The following STRBP variants were observed in gnomAD, a reference collection of about 807,000 sequenced individuals.
STRBP encodes spermatid perinuclear RNA binding protein.
Under a neutral mutation model 80.1 loss-of-function variants are expected in STRBP, and 13 were observed. The observed-to-expected ratio is 0.16, with a 90% CI of 0.11 to 0.26. The LOEUF (loss-of-function observed/expected upper bound fraction) is 0.26. STRBP is among the 10% of genes least tolerant of loss of function. The pLI is 1.00. For missense variants in STRBP, 485 were observed against 815.2 expected (o/e 0.59, Z 4.93); for synonymous variants, 284 against 291.2 (o/e 0.98, Z 0.25).
At chr9:123,196,756 T>C (rs991182847) in intron 2 of STRBP, among the ~76,000 whole-genome samples, 12 of 152,160 alleles carry the variant, frequency 7.9e-5, no homozygotes, top group Admixed American at 1.3e-4. Flanking sequence ...CAAAGATATA[T>C]AGAAAAGGAA....
chr9:123,168,001 C>T (rs116374299), intron 6 of STRBP, among the ~76,000 whole-genome samples: 406 of 150,276 alleles, frequency 2.7e-3, no homozygotes, highest in African/African-American at 8.9e-3. Flanking sequence ...TCCCTTAATA[C>T]TTTCAAAAAA....
At chr9:123,133,840 C>A (rs2036245504) in intron 16 of STRBP, among the ~76,000 whole-genome samples, 1 of 152,068 alleles carries the variant, frequency 6.6e-6, no homozygotes, top group South Asian at 2.1e-4. Context: ...CCGCACCTGG[C>A]CCCATTATTA....
At chr9:123,234,157 C>T (rs2040479522) in intron 2 of STRBP, among the ~76,000 whole-genome samples, 2 of 145,052 alleles carry the variant, frequency 1.4e-5, no homozygotes, top group Middle Eastern at 3.3e-3. Flanking sequence ...GCAGAGATCA[C>T]ACCACTGCAC....
At position 123,132,978 on chromosome 9, in the gene STRBP, TAAC is replaced by T. The variant is rs1588456623; in HGVS notation, c.1774-13_1774-11del. 1 of 1,609,712 alleles carries T rather than the reference TAAC, an allele frequency of 6.2e-7. No homozygotes were observed. Among genetic ancestry groups the T allele is most frequent in the Middle Eastern group, 1.7e-4 (1 of 6,030 alleles). ...TCACAACGCCCTTTGCCTGTTAAAA[TAAC>T]ACATTTTCATTACTGAAAGAAATAA... On this transcript the variant is annotated splice_polypyrimidine_tract_variant and intron_variant, in intron 16 of 18. Coordinates refer to ENST00000348403, the MANE Select transcript of STRBP (RefSeq NM_018387.5).
At chr9:123,183,865 T>C (rs908454844) in intron 3 of STRBP, among the ~76,000 whole-genome samples, 5 of 152,238 alleles carry the variant, frequency 3.3e-5, no homozygotes, top group African/African-American at 1.2e-4. Context: ...ATGCCAGTTT[T>C]ATTAGAAAAT....
Position 123,124,381 on chromosome 9 carries a change from G to A in STRBP, c.*1216C>T. 1 of 985,420 alleles carries A rather than the reference G, an allele frequency of 1.0e-6. No individual in the cohort carries two copies. Among genetic ancestry groups the A allele is most frequent in the Non-Finnish European group, 1.2e-6 (1 of 829,942 alleles). The allele number at this position is 985,420 out of a possible 1,614,324, so 61.0% of individuals were successfully genotyped here. A position where few individuals can be genotyped will look rare whatever the true frequency, so the allele number is the denominator to read the frequency against. ...TCCAAACAAGGTGAGAATGCAAGTG[G>A]AGGACTTAGGTCTGCACCCTTTACA... On this transcript the variant is annotated 3_prime_UTR_variant, in exon 19 of 19. Transcript: ENST00000348403.
At chr9:123,142,615 TTCCATCCACTGA>T (rs1271250293) in intron 13 of STRBP, among the ~76,000 whole-genome samples, 1 of 152,172 alleles carries the variant, frequency 6.6e-6, no homozygotes, top group Admixed American at 6.5e-5. Context: ...CTTAGTAATT[TTCCATCCACTGA>T]TCCATCCCTG....
At chr9:123,179,271 A>G (rs1461396909) in intron 3 of STRBP, 44 bp from the exon 4 acceptor site, 6 of 1,522,096 alleles carry the variant, frequency 3.9e-6, no homozygotes, top group Non-Finnish European at 5.4e-6. Context: ...CAAAAGAAAC[A>G]TCACCTGAAA....
chr9:123,158,204 C>T (rs2037371740), intron 10 of STRBP, 81 bp from the exon 11 acceptor site: 6 of 1,480,394 alleles, frequency 4.1e-6, no homozygotes, highest in Admixed American at 1.7e-5. Flanking sequence ...AAAAGACACT[C>T]ATAAATTCTG....
chr9:123,242,487 C>T (rs1202249011), intron 1 of STRBP, among the ~76,000 whole-genome samples: 8 of 152,138 alleles, frequency 5.3e-5, no homozygotes, highest in Non-Finnish European at 1.2e-4. Flanking sequence ...GGCAAAACCC[C>T]GTCTCTACTA....
intron 1 of STRBP, among the ~76,000 whole-genome samples, chr9:123,264,637 G>A (rs2132662174): frequency 6.6e-6 from 1 of 152,302 alleles, no homozygotes; most frequent in South Asian, 2.1e-4. Context: ...GAAGAAACCA[G>A]CACAAAGGGA....
At chr9:123,234,955 T>A (rs981444835) in intron 2 of STRBP, among the ~76,000 whole-genome samples, 12 of 141,588 alleles carry the variant, frequency 8.5e-5, no homozygotes, top group Non-Finnish European at 1.7e-4. Flanking sequence ...AAAAAAAGTT[T>A]AAAAAAATTT....
At chr9:123,254,456 C>CAAAAAAAA (rs1205708821) in intron 1 of STRBP, among the ~76,000 whole-genome samples, 1 of 65,734 alleles carries the variant, frequency 1.5e-5, no homozygotes, top group Non-Finnish European at 4.5e-5. Flanking sequence ...GACTCCGTCT[C>CAAAAAAAA]AAAAAAAAAA....
At chr9:123,170,764 A>T (rs1443829973) in intron 5 of STRBP, among the ~76,000 whole-genome samples, 1 of 152,166 alleles carries the variant, frequency 6.6e-6, no homozygotes, top group Non-Finnish European at 1.5e-5. Context: ...ACCTGATCAG[A>T]ATTATATATT....
At chr9:123,244,525 T>C (rs551733647) in intron 1 of STRBP, among the ~76,000 whole-genome samples, 1 of 152,286 alleles carries the variant, frequency 6.6e-6, no homozygotes, top group South Asian at 2.1e-4. Flanking sequence ...GTAACAGATG[T>C]TAATAAAAGG....
intron 6 of STRBP, chr9:123,168,064 C>T (rs2037846070): frequency 3.9e-6 from 1 of 258,694 alleles, no homozygotes; most frequent in Non-Finnish European, 6.0e-6. Context: ...TTAACTTAGC[C>T]TTTGGCAACT....
In STRBP at chr9:123,123,954, A is replaced by C. The variant is rs537600409; in HGVS notation, c.*1643T>G. 3.0e-6 allele frequency: 3 copies of C among 985,452 alleles called. No individual in the cohort carries two copies. The East Asian group carries it at 3.4e-4, about 112-fold the overall frequency. 61.0% of individuals were successfully genotyped at this position (985,452 alleles called of 1,614,324 possible). ...ACTAATGCACAGGATGAGAATGATAAGTTACAGCTATTTCCAGCAAGTGAT... is the reference window on the plus strand; with the variant it reads ...ACTAATGCACAGGATGAGAATGATACGTTACAGCTATTTCCAGCAAGTGAT... On this transcript the variant is annotated 3_prime_UTR_variant, in exon 19 of 19. Coordinates refer to ENST00000348403, the MANE Select transcript of STRBP (RefSeq NM_018387.5).
intron 2 of STRBP, among the ~76,000 whole-genome samples, chr9:123,216,232 T>G (rs1377369065): frequency 1.3e-5 from 2 of 152,160 alleles, no homozygotes; most frequent in Non-Finnish European, 2.9e-5. Context: ...CTGCACTAGT[T>G]TTGCCCTATG....
intron 2 of STRBP, among the ~76,000 whole-genome samples, chr9:123,223,448 G>A (rs978646316): frequency 1.3e-5 from 2 of 152,244 alleles, no homozygotes; most frequent in African/African-American, 4.8e-5. Flanking sequence ...ATTATGAGGT[G>A]GGAGTGAGGG....
Sources: gnomAD v4.1 joint callset for allele counts (sites outside exome capture counted in the v4.1 genomes callset) on GRCh38, gnomAD v4.1.1 for gene constraint, MANE v1.5 for transcripts, NCBI Gene and HGNC (gene_info 2026-07-23, HGNC 2026-07-21) for gene names.